The following UBAC2 variants were observed in gnomAD, a reference collection of about 807,000 sequenced individuals.
The protein encoded by UBAC2 is UBA domain containing 2, also known as ubiquitin-associated domain-containing protein 2.
A neutral mutation model predicts 44.0 loss-of-function variants in UBAC2; 26 were observed. The ratio of observed to expected loss-of-function variants is 0.59; its 90% confidence interval spans 0.43 to 0.82. The LOEUF (loss-of-function observed/expected upper bound fraction) is 0.82, where lower values mean the gene tolerates loss of function less well. Ranked by LOEUF, UBAC2 falls within the 40% of genes least tolerant of loss-of-function variation. UBAC2 has a pLI of 0.00. For missense variants in UBAC2, 329 were observed against 419.4 expected (o/e 0.78, Z 1.88); for synonymous variants, 155 against 154.3 (o/e 1.00, Z -0.04).
At chr13:99,338,047 CTTTTTTTTTT>C (rs869112086) in intron 6 of UBAC2, among the ~76,000 whole-genome samples, 3,040 of 48,926 alleles carry the variant, frequency 0.062, 129 homozygotes, top group Non-Finnish European at 0.094. Context: ...TTCTTTTTTT[CTTTTTTTTTT>C]TTTTTTTTTT....
At chr13:99,248,246 G>A (rs549872857) in intron 4 of UBAC2, among the ~76,000 whole-genome samples, 1 of 151,974 alleles carries the variant, frequency 6.6e-6, no homozygotes, top group Non-Finnish European at 1.5e-5. Context: ...TTTTAGAAAT[G>A]AGGTCTTATT....
At chr13:99,218,512 G>A (rs2043021737) in intron 1 of UBAC2, among the ~76,000 whole-genome samples, 1 of 148,974 alleles carries the variant, frequency 6.7e-6, no homozygotes, top group South Asian at 2.1e-4. Context: ...TTTTTTCCCT[G>A]GAAACTTCTT....
intron 4 of UBAC2, among the ~76,000 whole-genome samples, chr13:99,306,389 T>G (rs968387785): frequency 2.0e-5 from 3 of 151,982 alleles, no homozygotes; most frequent in African/African-American, 7.3e-5. Context: ...AGCCAGATAT[T>G]AGGTAACTTG....
At chr13:99,234,988 C>G (rs1021612537) in intron 1 of UBAC2, among the ~76,000 whole-genome samples, 1 of 151,930 alleles carries the variant, frequency 6.6e-6, no homozygotes, top group Non-Finnish European at 1.5e-5. Flanking sequence ...TCTAAAATAC[C>G]CTCAGTAGTA....
chr13:99,202,707 C>T (rs2042819532), intron 1 of UBAC2, among the ~76,000 whole-genome samples: 1 of 152,124 alleles, frequency 6.6e-6, no homozygotes, highest in Non-Finnish European at 1.5e-5. Context: ...AGGTCTGGAG[C>T]CCCTCTGCAG....
chr13:99,267,605 C>G (rs2043760373), intron 4 of UBAC2, among the ~76,000 whole-genome samples: 1 of 152,224 alleles, frequency 6.6e-6, no homozygotes, highest in Non-Finnish European at 1.5e-5. Flanking sequence ...AGTCTGCTCA[C>G]TTCAGAGCCT....
intron 4 of UBAC2, among the ~76,000 whole-genome samples, chr13:99,266,569 A>G (rs1470166529): frequency 2.0e-5 from 3 of 152,272 alleles, no homozygotes; most frequent in Non-Finnish European, 2.9e-5. Flanking sequence ...CTGTAGGACT[A>G]TGTGTATTCC....
intron 1 of UBAC2, chr13:99,234,349 G>A (rs752229789): frequency 3.3e-5 from 11 of 332,924 alleles, no homozygotes; most frequent in Non-Finnish European, 5.7e-5. Context: ...CACCACGCCC[G>A]GGTAATTTTT....
intron 4 of UBAC2, among the ~76,000 whole-genome samples, chr13:99,272,288 A>G (rs2043825652): frequency 6.6e-6 from 1 of 152,244 alleles, no homozygotes; most frequent in South Asian, 2.1e-4. Context: ...GAAATTTTTA[A>G]GCATGTATAA....
intron 6 of UBAC2, among the ~76,000 whole-genome samples, chr13:99,318,964 A>T (rs1240833642): frequency 1.3e-5 from 2 of 152,108 alleles, no homozygotes; most frequent in African/African-American, 2.4e-5. Context: ...AAAAGCCTGA[A>T]AATGAAGAAG....
intron 7 of UBAC2, among the ~76,000 whole-genome samples, chr13:99,356,835 C>T (rs1798641695): frequency 6.6e-6 from 1 of 152,190 alleles, no homozygotes; most frequent in African/African-American, 2.4e-5. Flanking sequence ...TTCTTCTGGG[C>T]CTCGCGTTGC....
chr13:99,363,500 T>A (rs2045292498), intron 7 of UBAC2, among the ~76,000 whole-genome samples: 1 of 152,216 alleles, frequency 6.6e-6, no homozygotes, highest in Non-Finnish European at 1.5e-5. Context: ...AGTCCAGCAG[T>A]GGGCAGCCCA....
intron 6 of UBAC2, among the ~76,000 whole-genome samples, chr13:99,322,175 G>T (rs558090773): frequency 3.9e-5 from 6 of 152,194 alleles, no homozygotes; most frequent in Admixed American, 6.5e-5. Context: ...TCTTCTAGAT[G>T]TCTGGTGAGA....
intron 4 of UBAC2, among the ~76,000 whole-genome samples, chr13:99,283,141 T>G (rs1262377208): frequency 6.6e-6 from 1 of 152,188 alleles, no homozygotes; most frequent in East Asian, 1.9e-4. Flanking sequence ...ACTTTACAGT[T>G]CTCTCTCCTA....
intron 2 of UBAC2, among the ~76,000 whole-genome samples, chr13:99,242,215 C>A (rs1195809014): frequency 6.6e-6 from 1 of 152,262 alleles, no homozygotes; most frequent in Non-Finnish European, 1.5e-5. Context: ...CACAAAACCG[C>A]CATTGTCATC....
At chr13:99,329,427 T>G (rs2044684319) in intron 6 of UBAC2, among the ~76,000 whole-genome samples, 1 of 152,242 alleles carries the variant, frequency 6.6e-6, no homozygotes, top group African/African-American at 2.4e-5. Flanking sequence ...TTCCACAGAT[T>G]CTTTTACACA....
intron 4 of UBAC2, among the ~76,000 whole-genome samples, chr13:99,293,043 G>C (rs1217541100): frequency 6.6e-6 from 1 of 152,196 alleles, no homozygotes. Context: ...TTGATGAGTA[G>C]AATGGGCAGC....
intron 1 of UBAC2, among the ~76,000 whole-genome samples, chr13:99,219,098 T>G (rs2142680323): frequency 6.6e-6 from 1 of 152,298 alleles, no homozygotes; most frequent in South Asian, 2.1e-4. Context: ...TAGTCAGACA[T>G]AGGAAAACCA....
intron 1 of UBAC2, among the ~76,000 whole-genome samples, chr13:99,206,392 A>T (rs1319173005): frequency 6.6e-6 from 1 of 152,160 alleles, no homozygotes; most frequent in East Asian, 1.9e-4. Flanking sequence ...CTGTAGGAGG[A>T]GTTGCGTCTC....
Sources: gnomAD v4.1 joint callset for allele counts (sites outside exome capture counted in the v4.1 genomes callset) on GRCh38, gnomAD v4.1.1 for gene constraint, MANE v1.5 for transcripts, NCBI Gene and HGNC (gene_info 2026-07-23, HGNC 2026-07-21) for gene names.